The following TLN2 variants were observed in gnomAD, a reference collection of about 807,000 sequenced individuals.
TLN2 encodes talin 2.
A neutral mutation model predicts 294.7 loss-of-function variants in TLN2; 118 were observed. The ratio of observed to expected loss-of-function variants is 0.40; its 90% confidence interval spans 0.34 to 0.47. The LOEUF (loss-of-function observed/expected upper bound fraction) is 0.47. TLN2 is among the 20% of genes least tolerant of loss of function. The pLI is 0.84. For missense variants in TLN2, 3,083 were observed against 3,282.2 expected, an observed-to-expected ratio of 0.94 and a Z score of 1.48; for synonymous variants, 1,431 against 1,304.5, an observed-to-expected ratio of 1.10 and a Z score of -2.09.
At chr15:62,574,998 T>C (rs1316352152) in intron 1 of TLN2, among the ~76,000 whole-genome samples, 2 of 152,282 alleles carry the variant, frequency 1.3e-5, no homozygotes, top group South Asian at 2.1e-4. Context: ...TGAGTGCTTC[T>C]GAAATCATCT....
intron 1 of TLN2, among the ~76,000 whole-genome samples, chr15:62,531,301 A>G (rs188625593): frequency 2.9e-4 from 44 of 152,370 alleles, no homozygotes; most frequent in Non-Finnish European, 5.4e-4. Context: ...CATTATGTTA[A>G]CTGAAATAAA....
intron 1 of TLN2, among the ~76,000 whole-genome samples, chr15:62,520,174 A>T (rs1250584930): frequency 1.3e-5 from 2 of 152,220 alleles, no homozygotes; most frequent in Non-Finnish European, 2.9e-5. Flanking sequence ...GGGTGCTACA[A>T]TTCATGATGA....
At chr15:62,639,723 C>G (rs117889925) in intron 3 of TLN2, among the ~76,000 whole-genome samples, 1 of 152,094 alleles carries the variant, frequency 6.6e-6, no homozygotes, top group African/African-American at 2.4e-5. Flanking sequence ...GTGTAGATAC[C>G]GAGACTAGGG....
At chr15:62,543,420 A>G (rs955477125) in intron 1 of TLN2, among the ~76,000 whole-genome samples, 1 of 152,188 alleles carries the variant, frequency 6.6e-6, no homozygotes, top group African/African-American at 2.4e-5. Context: ...GGGCTTATTG[A>G]CTAGTAGAAG....
At chr15:62,503,863 T>C (rs1235071115) in intron 1 of TLN2, among the ~76,000 whole-genome samples, 1 of 152,200 alleles carries the variant, frequency 6.6e-6, no homozygotes, top group Non-Finnish European at 1.5e-5. Context: ...CCCAGTTGTT[T>C]TTCTCTCTCC....
chr15:62,437,462 C>T (rs942812859), intron 1 of TLN2, among the ~76,000 whole-genome samples: 5 of 151,856 alleles, frequency 3.3e-5, no homozygotes, highest in African/African-American at 7.3e-5. Context: ...CCAGGCTGGT[C>T]GTGAACTCCT....
intron 53 of TLN2, among the ~76,000 whole-genome samples, chr15:62,819,825 G>T (rs1457511937): frequency 6.6e-6 from 1 of 152,198 alleles, no homozygotes; most frequent in Non-Finnish European, 1.5e-5. Context: ...CTTTTCTCTA[G>T]TCTTTGTATT....
intron 52 of TLN2, among the ~76,000 whole-genome samples, chr15:62,815,065 G>T (rs540710734): frequency 6.6e-6 from 1 of 152,090 alleles, no homozygotes; most frequent in Non-Finnish European, 1.5e-5. Flanking sequence ...TCAGAATTTT[G>T]TTGAAATTCT....
At chr15:62,731,998 C>G (rs2060755457) in intron 28 of TLN2, among the ~76,000 whole-genome samples, 1 of 152,002 alleles carries the variant, frequency 6.6e-6, no homozygotes, top group Admixed American at 6.6e-5. Flanking sequence ...AATAAGAATG[C>G]AAAATTTGAT....
intron 1 of TLN2, among the ~76,000 whole-genome samples, chr15:62,482,285 C>T (rs1043865057): frequency 3.3e-5 from 5 of 152,092 alleles, no homozygotes; most frequent in Admixed American, 6.5e-5. Context: ...AGGATATGCT[C>T]CTTTAAAAAT....
chr15:62,424,107 GT>G (rs1450884979), intron 1 of TLN2, among the ~76,000 whole-genome samples: 1 of 152,146 alleles, frequency 6.6e-6, no homozygotes, highest in Non-Finnish European at 1.5e-5. Context: ...CCATGCCTCG[GT>G]TTTTTTATTT....
At chr15:62,530,644 C>A (rs926809501) in intron 1 of TLN2, among the ~76,000 whole-genome samples, 1 of 152,168 alleles carries the variant, frequency 6.6e-6, no homozygotes, top group African/African-American at 2.4e-5. Flanking sequence ...CGTGAGCCAC[C>A]ATGCCCGGCC....
At chr15:62,408,766 G>T (rs966386708) in intron 1 of TLN2, among the ~76,000 whole-genome samples, 3 of 151,964 alleles carry the variant, frequency 2.0e-5, no homozygotes, top group African/African-American at 7.3e-5. Flanking sequence ...TTTTAATTTG[G>T]TAGTCCAAAT....
chr15:62,445,543 A>G (rs2035773698), intron 1 of TLN2, among the ~76,000 whole-genome samples: 1 of 152,236 alleles, frequency 6.6e-6, no homozygotes, highest in Admixed American at 6.5e-5. Context: ...AGTAAACATA[A>G]ATGTAGCTGT....
chr15:62,580,527 C>T (rs2044864571), intron 1 of TLN2, among the ~76,000 whole-genome samples: 1 of 151,968 alleles, frequency 6.6e-6, no homozygotes, highest in Admixed American at 6.6e-5. Flanking sequence ...CCTCCTACCT[C>T]AGCCTCGCGA....
intron 1 of TLN2, among the ~76,000 whole-genome samples, chr15:62,432,130 A>T (rs1477424321): frequency 1.3e-5 from 2 of 152,096 alleles, no homozygotes; most frequent in Non-Finnish European, 2.9e-5. Flanking sequence ...GTTTAATTAA[A>T]TTTTTTTACT....
chr15:62,718,647 G>C (rs548213407), intron 24 of TLN2, among the ~76,000 whole-genome samples: 1 of 152,142 alleles, frequency 6.6e-6, no homozygotes, highest in African/African-American at 2.4e-5. Context: ...GGTGTCCTTC[G>C]GTCCTGTGTG....
chr15:62,543,470 G>C (rs1232519849), intron 1 of TLN2, among the ~76,000 whole-genome samples: 1 of 152,042 alleles, frequency 6.6e-6, no homozygotes, highest in Admixed American at 6.6e-5. Flanking sequence ...GTAAGATGGA[G>C]CTCTAGGCCA....
intron 19 of TLN2, 88 bp from the exon 20 acceptor site, chr15:62,706,998 C>A: frequency 2.1e-6 from 3 of 1,417,630 alleles, no homozygotes; most frequent in Admixed American, 2.6e-5. Context: ...GGAAAAAGAT[C>A]AAATGGAATT....
Sources: allele counts gnomAD v4.1 joint callset (sites outside exome capture counted in the v4.1 genomes callset), GRCh38; gene constraint gnomAD v4.1.1; transcripts MANE v1.5; gene names NCBI Gene and HGNC (gene_info 2026-07-23, HGNC 2026-07-21).